Variants in AGPS observed in about 807,000 individuals in gnomAD.
The protein encoded by AGPS is alkylglycerone phosphate synthase, also known as alkyldihydroxyacetonephosphate synthase, peroxisomal.
AGPS carries 26 observed loss-of-function variants against 90.7 expected under a neutral mutation model. That is an observed-to-expected ratio of 0.29 (90% CI 0.21 to 0.40). The LOEUF (loss-of-function observed/expected upper bound fraction) is 0.40. Among genes scored for constraint, AGPS ranks in the 10% least tolerant of loss-of-function variants. The pLI, the probability that AGPS is intolerant of heterozygous loss-of-function variation, is 1.00. For synonymous variants in AGPS, 294 were observed against 285.3 expected (o/e 1.03, Z -0.31); for missense variants, 540 against 816.1 (o/e 0.66, Z 4.12).
At chr2:177,393,444 T>A in intron 1 of AGPS, 5 of 985,458 alleles carry the variant, frequency 5.1e-6, no homozygotes, top group Non-Finnish European at 6.0e-6. Context: ...TTGTACTAGA[T>A]GATAGATCAT....
At chr2:177,395,865 G>A (rs781163014) in intron 1 of AGPS, among the ~76,000 whole-genome samples, 3 of 152,190 alleles carry the variant, frequency 2.0e-5, no homozygotes, top group Non-Finnish European at 4.4e-5. Context: ...TTTCATTCCT[G>A]TTACAGAATA....
chr2:177,392,954 C>T lies in AGPS; in HGVS notation c.165C>T (p.Thr55=). ...GCCGGCCCCGGGAGGCTCTGAGTACCAATGAGTGCAAAGCGCGGAGAGCCG... is the reference window on the plus strand; with the variant it reads ...GCCGGCCCCGGGAGGCTCTGAGTACTAATGAGTGCAAAGCGCGGAGAGCCG... ...LLGRPREALS[T]NECKARRAAS... Residue 55 remains threonine (T), a synonymous_variant, in exon 1 of 20, where the codon ACC becomes ACT. Coordinates refer to ENST00000264167, the MANE Select transcript of AGPS (RefSeq NM_003659.4). 6.5e-7 allele frequency: 1 copy of T among 1,550,122 alleles called. No homozygotes were observed. The highest frequency in any genetic ancestry group is 8.7e-7 in the Non-Finnish European group (1 of 1,146,696).
In AGPS at chr2:177,445,281, A is replaced by C. The variant is rs137909947; in HGVS notation, c.790-265A>C. 4.0e-3 allele frequency among the ~76,000 whole-genome samples: 612 copies of C among 152,356 alleles called. 5 individuals are homozygous for C. The highest frequency in any genetic ancestry group is 0.032 in the East Asian group (167 of 5,196). On this transcript the variant is annotated intron_variant, in intron 7 of 19. Transcript: ENST00000264167. ...GACAGTTAAATAATTTGCCTAAGGT[A>C]AGAGAAGGAATTTAAATTAACCTCT...
chr2:177,399,689 A>G (rs1685279680), intron 1 of AGPS, among the ~76,000 whole-genome samples: 1 of 152,190 alleles, frequency 6.6e-6, no homozygotes, highest in Admixed American at 6.5e-5. Context: ...GAATGAACAC[A>G]TCTATTTTAT....
chr2:177,531,287 CAA>C (rs958631637), intron 19 of AGPS, among the ~76,000 whole-genome samples: 31 of 152,188 alleles, frequency 2.0e-4, no homozygotes, highest in African/African-American at 7.5e-4. Context: ...TGTACAAAAA[CAA>C]AGTCAGCAAG....
At chr2:177,461,791 T>A in intron 8 of AGPS, 102 bp from the exon 9 acceptor site, 4 of 949,514 alleles carry the variant, frequency 4.2e-6, no homozygotes, top group South Asian at 1.5e-5. Flanking sequence ...TAAATTCAAA[T>A]ATCAATGACA....
intron 19 of AGPS, among the ~76,000 whole-genome samples, chr2:177,534,753 ATTTTTTAT>A (rs1352977974): frequency 6.6e-6 from 1 of 151,214 alleles, no homozygotes; most frequent in Admixed American, 6.6e-5. Flanking sequence ...CATCCAGCTT[ATTTTTTAT>A]TTTTTTATTT....
At chr2:177,480,132 A>T (rs1219882849) in intron 10 of AGPS, among the ~76,000 whole-genome samples, 1 of 152,164 alleles carries the variant, frequency 6.6e-6, no homozygotes, top group Admixed American at 6.5e-5. Flanking sequence ...GTGAGCCGAG[A>T]TCATGTCATT....
In AGPS at chr2:177,480,667, G is replaced by A. The variant is rs532899664; in HGVS notation, c.1106-1392G>A. Reference sequence around the variant, plus strand: ...GGTGCAGCACACCAACATGGCACACGTATACATATATAACAAACCTGCACG... The same window carrying A: ...GGTGCAGCACACCAACATGGCACACATATACATATATAACAAACCTGCACG... On this transcript the variant is annotated intron_variant, in intron 10 of 19. Transcript: ENST00000264167. Among the ~76,000 whole-genome samples the A allele has an allele frequency of 1.1e-4, 17 of 151,828 alleles. No homozygotes were observed. The South Asian group carries it at 2.3e-3, about 20-fold the overall frequency.
At position 177,499,747 on chromosome 2, in the gene AGPS, A is replaced by G. The variant is rs1015138379; in HGVS notation, c.1475+17A>G. ...AAAATTTGGGTATGGCTTCAAGTTC[A>G]TAATGCCAAGAGAAAGAGTTAAAAG... On this transcript the variant is annotated intron_variant, in intron 14 of 19. Transcript: ENST00000264167. The G allele has an allele frequency of 1.1e-5, 16 of 1,482,670 alleles. No individual in the cohort carries two copies. Among genetic ancestry groups the G allele is most frequent in the African/African-American group, 1.4e-5 (1 of 72,258 alleles). 91.8% of individuals were successfully genotyped at this position (1,482,670 alleles called of 1,614,324 possible). A position where few individuals can be genotyped will look rare whatever the true frequency, so the allele number is the denominator to read the frequency against.
At chr2:177,397,276 A>G (rs1023811592) in intron 1 of AGPS, among the ~76,000 whole-genome samples, 1 of 152,062 alleles carries the variant, frequency 6.6e-6, no homozygotes. Flanking sequence ...TGTTCTCATT[A>G]TTTGAAGTTG....
intron 2 of AGPS, among the ~76,000 whole-genome samples, chr2:177,422,269 G>C (rs1685962240): frequency 1.3e-5 from 2 of 152,098 alleles, no homozygotes; most frequent in Admixed American, 1.3e-4. Context: ...TGCCCTTTCT[G>C]ATGTTAGGGT....
intron 8 of AGPS, among the ~76,000 whole-genome samples, chr2:177,461,554 T>C (rs993404746): frequency 6.6e-6 from 1 of 152,146 alleles, no homozygotes; most frequent in African/African-American, 2.4e-5. Context: ...TCCATAAATA[T>C]TTAAACTATC....
intron 13 of AGPS, among the ~76,000 whole-genome samples, chr2:177,498,145 C>T (rs1297037759): frequency 6.6e-6 from 1 of 151,618 alleles, no homozygotes; most frequent in African/African-American, 2.4e-5. Context: ...TGTGTGCCTT[C>T]TTTTCCTTGC....
chr2:177,438,075 G>A (rs1250392871), intron 5 of AGPS, among the ~76,000 whole-genome samples: 3 of 152,144 alleles, frequency 2.0e-5, no homozygotes, highest in Non-Finnish European at 4.4e-5. Context: ...TTGCTTTTTA[G>A]TAGCTTTAGG....
intron 2 of AGPS, 115 bp from the exon 3 acceptor site, chr2:177,434,212 A>T: frequency 1.4e-6 from 1 of 723,940 alleles, no homozygotes; most frequent in Non-Finnish European, 2.4e-6. Flanking sequence ...TTATAGTTAC[A>T]TGTGAAAGTG....
intron 1 of AGPS, among the ~76,000 whole-genome samples, chr2:177,414,810 TGTATG>T (rs1015150945): frequency 6.6e-6 from 1 of 151,928 alleles, no homozygotes. Context: ...ACATTTTTAA[TGTATG>T]GTATTTGTGT....
rs1157641568 is a variant in AGPS, at chr2:177,542,788, A to C, written c.*4593A>C. ...TACTGGCATACAAGTTTCTATAAGT[A>C]GTTATTTTTTGAGCTACTTATACTA... On this transcript the variant is annotated 3_prime_UTR_variant, in exon 20 of 20. Transcript: ENST00000264167. The C allele has an allele frequency of 6.6e-6, 1 of 152,156 alleles. No homozygotes were observed. Among genetic ancestry groups the C allele is most frequent in the Non-Finnish European group, 1.5e-5 (1 of 68,022 alleles). 9.4% of individuals were successfully genotyped at this position (152,156 alleles called of 1,614,324 possible).
chr2:177,458,259 A>G (rs1485600504), intron 8 of AGPS, among the ~76,000 whole-genome samples: 2 of 152,250 alleles, frequency 1.3e-5, no homozygotes, highest in African/African-American at 2.4e-5. Context: ...AGCTGGAAGC[A>G]TTCTCTTTGA....
Sources: gnomAD v4.1 joint callset for allele counts (sites outside exome capture counted in the v4.1 genomes callset) on GRCh38, gnomAD v4.1.1 for gene constraint, MANE v1.5 for transcripts, NCBI Gene and HGNC (gene_info 2026-07-23, HGNC 2026-07-21) for gene names.